MYH3: variants seen among roughly 807,000 people sequenced by gnomAD.
MYH3 encodes the protein myosin-3.
In MYH3, 130 loss-of-function variants were observed where a neutral mutation model predicts 238.0. The observed-to-expected ratio is 0.55, with a 90% CI of 0.47 to 0.63. The LOEUF (loss-of-function observed/expected upper bound fraction) is 0.63. Ranked by LOEUF, MYH3 falls within the 30% of genes least tolerant of loss-of-function variation. The probability of loss-of-function intolerance (pLI) is 0.00; values close to 1 mark genes in which losing one functional copy is unlikely to be tolerated. For missense variants in MYH3, 1,853 were observed against 2,374.9 expected (o/e 0.78, Z 4.57); for synonymous variants, 880 against 924.1 (o/e 0.95, Z 0.86).
At chr17:10,645,275 C>G (rs758617580) in intron 12 of MYH3, among the ~76,000 whole-genome samples, 2 of 150,962 alleles carry the variant, frequency 1.3e-5, no homozygotes, top group Non-Finnish European at 3.0e-5. Context: ...ACTAAAAATA[C>G]AAAAAAGTTA....
the MYH3 span, among the ~76,000 whole-genome samples, chr17:10,670,430 C>CT: frequency 2.3e-4 from 35 of 152,088 alleles, no homozygotes; most frequent in African/African-American, 3.1e-4. The surrounding 1 kb of genome is among the most constrained non-coding windows in gnomAD (Gnocchi z 7.0). Context: ...TCCTAATGAT[C>CT]TTTTTTTTCA....
chr17:10,650,268 G>A (rs920158730), intron 6 of MYH3, 106 bp downstream of exon 6: 40 of 1,195,268 alleles, frequency 3.3e-5, no homozygotes, highest in South Asian at 6.4e-5. Flanking sequence ...CAGCCACCGC[G>A]CCCAGCCTGA....
In MYH3 at chr17:10,638,477, G is replaced by A. The variant is rs756171160; in HGVS notation, c.3340-45C>T. ...ACCCCGTGGGCAGTGGGTTCACCGC[G>A]GGGACTCTGATTGCCAAGAACAGGC... On this transcript the variant is annotated intron_variant, in intron 26 of 40. Transcript: ENST00000583535. 4.5e-5 allele frequency: 72 copies of A among 1,598,254 alleles called. 2 individuals carry two copies. The South Asian group carries it at 6.2e-4, about 14-fold the overall frequency.
the MYH3 span, among the ~76,000 whole-genome samples, chr17:10,667,921 A>G: frequency 6.6e-6 from 1 of 152,214 alleles, no homozygotes; most frequent in Admixed American, 6.5e-5. Flanking sequence ...AATGGTTTAC[A>G]GATTTGAAAA....
At chr17:10,673,785 A>G in the MYH3 span, 1 of 152,200 alleles carries the variant, frequency 6.6e-6, no homozygotes, top group Non-Finnish European at 1.5e-5. Flanking sequence ...CTGCTTTTTG[A>G]TCATATTATA....
chr17:10,655,034 C>T lies in MYH3; in HGVS notation c.31G>A (p.Gly11Ser), dbSNP rs567246879. Residue 11 changes from glycine (G) to serine (S), a missense_variant, in exon 3 of 41, where the codon GGC becomes AGC. Coordinates refer to ENST00000583535, the MANE Select transcript of MYH3 (RefSeq NM_002470.4). MSSDTEMEVF[G>S]IAAPFLRKSE... Reference sequence around the variant, plus strand: ...TTCCGGAGGAAAGGAGCAGCTATGCCGAACACTTCCATTTCAGTGTCACTA... The same window carrying T: ...TTCCGGAGGAAAGGAGCAGCTATGCTGAACACTTCCATTTCAGTGTCACTA... 1.1e-5 allele frequency: 17 copies of T among 1,614,054 alleles called. No individual in the cohort carries two copies. Among genetic ancestry groups the T allele is most frequent in the South Asian group, 4.4e-5 (4 of 91,084 alleles).
chr17:10,674,021 T>C, the MYH3 span: 2 of 152,216 alleles, frequency 1.3e-5, no homozygotes, highest in African/African-American at 2.4e-5. Context: ...CTTTCTTGAC[T>C]TTTTCCCCTT....
Position 10,634,898 on chromosome 17 carries a change from A to G in MYH3, c.4298T>C (p.Val1433Ala). 1.9e-6 allele frequency: 3 copies of G among 1,614,086 alleles called. No individual in the cohort carries two copies. Among genetic ancestry groups the G allele is most frequent in the Non-Finnish European group, 2.5e-6 (3 of 1,180,018 alleles). Residue 1433 changes from valine to alanine, a missense_variant, in exon 31 of 41, where the codon GTT becomes GCT. Transcript: ENST00000583535. Reference sequence around the variant, plus strand: ...GGCGGCCAAGGAATTGGCTCTTTCAACATCAACCATCAGATCCTCCACCTC... The same window carrying G: ...GGCGGCCAAGGAATTGGCTCTTTCAGCATCAACCATCAGATCCTCCACCTC... ...QGEVEDLMVDVERANSLAAAL... is the reference protein window; with the variant it reads ...QGEVEDLMVDAERANSLAAAL...
Position 10,632,806 on chromosome 17 carries a change from C to G in MYH3, c.4648-22G>C, listed in dbSNP as rs748585784. 3.1e-6 allele frequency: 5 copies of G among 1,613,386 alleles called. No individual in the cohort carries two copies. In the South Asian group the frequency reaches 5.5e-5, roughly 18 times the overall value. Reference sequence around the variant, plus strand: ...CAGCCTTTAAGAAACAAAAGCAAATCAAATAGTGTCTGTGATGGTATGGAG... The same window carrying G: ...CAGCCTTTAAGAAACAAAAGCAAATGAAATAGTGTCTGTGATGGTATGGAG... On this transcript the variant is annotated intron_variant, in intron 33 of 40. Coordinates refer to ENST00000583535, the MANE Select transcript of MYH3 (RefSeq NM_002470.4).
chr17:10,628,762 G>T, intron 40 of MYH3, 83 bp from the exon 41 acceptor site: 1 of 1,463,654 alleles, frequency 6.8e-7, no homozygotes, highest in Non-Finnish European at 9.6e-7. Flanking sequence ...TGGCATCAGA[G>T]TTGCTTGCCT....
intron 14 of MYH3, among the ~76,000 whole-genome samples, chr17:10,643,534 C>T (rs142034715): frequency 0.013 from 1,904 of 152,178 alleles, 51 homozygotes; most frequent in African/African-American, 0.044. Flanking sequence ...CGCCACCACA[C>T]CCATCTAATT....
At chr17:10,634,816 C>A (rs1287855180) in intron 31 of MYH3, 24 bp downstream of exon 31, 1 of 1,613,978 alleles carries the variant, frequency 6.2e-7, no homozygotes, top group African/African-American at 1.3e-5. Context: ...ATGGCATTCA[C>A]CCAGCACACA....
Position 10,642,369 on chromosome 17 carries a change from G to A in MYH3, c.1888+48C>T, listed in dbSNP as rs2074280981. On this transcript the variant is annotated intron_variant, in intron 16 of 40. Coordinates refer to ENST00000583535, the MANE Select transcript of MYH3 (RefSeq NM_002470.4). The surrounding 1 kb of genome is among the most constrained non-coding windows in gnomAD (Gnocchi z 5.4). ...TGAATCTAAAAGGTTTTTTGTTACT[G>A]TGGAACAAATGGAGGGAAATCACAT... 6.2e-7 allele frequency: 1 copy of A among 1,613,400 alleles called. No individual in the cohort carries two copies. The highest frequency in any genetic ancestry group is 8.5e-7 in the Non-Finnish European group (1 of 1,179,318).
chr17:10,640,581 G>T lies in MYH3; in HGVS notation c.2271C>A (p.Tyr757Ter). 1.2e-6 allele frequency: 2 copies of T among 1,614,258 alleles called. No individual in the cohort carries two copies. The highest frequency in any genetic ancestry group is 1.7e-6 in the Non-Finnish European group (2 of 1,180,052). The stretch of plus-strand genomic sequence containing the variant: ...GCATTACCTTGGTATGTCCAAATTT[G>T]TACTGAGTGTGGTCAATATCAATGG... Reference protein sequence around the residue: ...LASIDIDHTQYKFGHTKVFFK... With the variant: ...LASIDIDHTQ The change falls in exon 20 of 41, where the codon TAC becomes TAA. Residue 757 changes from tyrosine to a stop codon, truncating the protein, a stop_gained. Coordinates refer to ENST00000583535, the MANE Select transcript of MYH3 (RefSeq NM_002470.4). LOFTEE classifies it high-confidence loss of function.
chr17:10,631,947 C>T lies in MYH3; in HGVS notation c.5026G>A (p.Glu1676Lys). Residue 1676 changes from glutamate to lysine, a missense_variant, in exon 35 of 41, where the codon GAG becomes AAG. Physicochemically the swap from Glu to Lys is moderately conservative, Grantham distance 56. Around this residue, in one of 3 missense-constraint regions of MYH3, gnomAD observed 1,044 missense variants for 1,192.6 expected, o/e 0.88. Coordinates refer to ENST00000583535, the MANE Select transcript of MYH3 (RefSeq NM_002470.4). ...GCCTGCAGCAGGTTGGCTCTGCGCT[C>T]CACAATCGCCAGCTGCTCCTTCAGG... Reference protein sequence around the residue: ...EDLKEQLAIVERRANLLQAEV... With the variant: ...EDLKEQLAIVKRRANLLQAEV... 6.2e-7 allele frequency: 1 copy of T among 1,614,084 alleles called. No individual in the cohort carries two copies. Among genetic ancestry groups the T allele is most frequent in the Non-Finnish European group, 8.5e-7 (1 of 1,180,040 alleles).
chr17:10,631,589 C>T (rs773662805), intron 36 of MYH3, 22 bp downstream of exon 36: 38 of 1,614,140 alleles, frequency 2.4e-5, no homozygotes, highest in Non-Finnish European at 3.2e-5. Flanking sequence ...AGCCCGAGGG[C>T]AGCAGGAAGG....
At chr17:10,660,465 G>A (rs999165360), upstream of MYH3, among the ~76,000 whole-genome samples, 1 of 151,028 alleles carries the variant, frequency 6.6e-6, no homozygotes, top group Non-Finnish European at 1.5e-5. Flanking sequence ...CATGAGGTCA[G>A]GAGATCGATA....
intron 29 of MYH3, 71 bp downstream of exon 29, chr17:10,635,664 G>A (rs1232435435): frequency 9.3e-6 from 15 of 1,612,726 alleles, no homozygotes; most frequent in Non-Finnish European, 1.3e-5. Context: ...GAATGAAGTT[G>A]CCTTTTATTT....
intron 1 of MYH3, among the ~76,000 whole-genome samples, chr17:10,656,948 A>G (rs1300844288): frequency 1.3e-5 from 2 of 152,080 alleles, no homozygotes; most frequent in African/African-American, 4.8e-5. Flanking sequence ...CACAGAGGCA[A>G]TGGGAGAAGG....
Sources: gnomAD v4.1 joint callset for allele counts (sites outside exome capture counted in the v4.1 genomes callset) on GRCh38, gnomAD v4.1.1 for gene constraint, gnomAD v4.1.1 regional missense constraint, Gnocchi (gnomAD v3.1) non-coding constraint, MANE v1.5 for transcripts, NCBI Gene and HGNC (gene_info 2026-07-23, HGNC 2026-07-21) for gene names.